ANO5: variants seen among roughly 807,000 people sequenced by gnomAD.
ANO5 encodes anoctamin 5.
In ANO5, 109 loss-of-function variants were observed where a neutral mutation model predicts 121.0. The observed-to-expected ratio is 0.90, with a 90% CI of 0.77 to 1.06. The LOEUF is 1.06. Ranked by LOEUF, ANO5 falls within the 50% of genes least tolerant of loss-of-function variation. ANO5 has a pLI of 0.00. For synonymous variants in ANO5, 406 were observed against 359.9 expected, an observed-to-expected ratio of 1.13 and a Z score of -1.45; for missense variants, 1,064 against 1,078.5, an observed-to-expected ratio of 0.99 and a Z score of 0.19.
In ANO5 at chr11:22,239,899, C is replaced by A. The variant is rs77977104; in HGVS notation, c.878+215C>A. The stretch of plus-strand genomic sequence containing the variant: ...ATAGTATGGTGGTTAGGAGGTTAGA[C>A]CTTAGCATTTAGCTAGGCTGAATTC... On this transcript the variant is annotated intron_variant, in intron 9 of 21. Transcript: ENST00000324559. Among the ~76,000 whole-genome samples, 2,792 of 152,104 alleles carry A rather than the reference C, an allele frequency of 0.018. 88 individuals carry two copies. The highest frequency in any genetic ancestry group is 0.063 in the African/African-American group (2,631 of 41,510).
At chr11:22,274,040 C>T (rs979231407) in intron 19 of ANO5, among the ~76,000 whole-genome samples, 2 of 151,896 alleles carry the variant, frequency 1.3e-5, no homozygotes, top group Non-Finnish European at 2.9e-5. Flanking sequence ...TATTCCAGAA[C>T]TTAGGAAAGG....
rs567878499 is a variant in ANO5, at chr11:22,267,508, T to TTATA, written c.1899-2791_1899-2788dup. On this transcript the variant is annotated intron_variant, in intron 17 of 21. Transcript: ENST00000324559. The stretch of plus-strand genomic sequence containing the variant: ...CTACATACCATATAAATATCTACAA[T>TTATA]TATATATATATATATAAAATCTATC... Among the ~76,000 whole-genome samples the TTATA allele has an allele frequency of 4.9e-3, 617 of 126,100 alleles. 14 individuals are homozygous for TTATA. Among genetic ancestry groups the TTATA allele is most frequent in the African/African-American group, 0.027 (582 of 21,540 alleles). 82.7% of individuals were successfully genotyped at this position (126,100 alleles called of 152,430 possible). A position where few individuals can be genotyped will look rare whatever the true frequency, so the allele number is the denominator to read the frequency against.
At position 22,265,285 on chromosome 11, in the gene ANO5, G is replaced by T. The variant is rs1854322327; in HGVS notation, c.1898+2242G>T. Among the ~76,000 whole-genome samples, 3 of 152,238 alleles carry T rather than the reference G, an allele frequency of 2.0e-5. No homozygotes were observed. The South Asian group carries it at 6.2e-4, about 32-fold the overall frequency. ...CATCAGTTTCTCATCAATAGCATTA[G>T]ATGCCAAAAGATAATGTTTTCAAGG... On this transcript the variant is annotated intron_variant, in intron 17 of 21. Coordinates refer to ENST00000324559, the MANE Select transcript of ANO5 (RefSeq NM_213599.3).
chr11:22,249,702 T>C (rs913018460), intron 9 of ANO5, among the ~76,000 whole-genome samples: 3 of 152,134 alleles, frequency 2.0e-5, no homozygotes, highest in Admixed American at 2.0e-4. Context: ...TTCCTTGGCC[T>C]GCTGCATATG....
chr11:22,239,912 C>G (rs1853370238), intron 9 of ANO5, among the ~76,000 whole-genome samples: 1 of 152,012 alleles, frequency 6.6e-6, no homozygotes, highest in African/African-American at 2.4e-5. Context: ...TAGCATTTAG[C>G]TAGGCTGAAT....
intron 12 of ANO5, 21 bp from the exon 13 acceptor site, chr11:22,255,350 T>C (rs114582774): frequency 6.5e-7 from 1 of 1,538,280 alleles, no homozygotes. Flanking sequence ...ATCTTTTTTT[T>C]ATATATTTAT....
chr11:22,282,879 A>C lies in ANO5; in HGVS notation c.*3114A>C, dbSNP rs1368973970. 1 of 152,196 alleles carries C rather than the reference A, an allele frequency of 6.6e-6. No homozygotes were observed. The highest frequency in any genetic ancestry group is 1.5e-5 in the Non-Finnish European group (1 of 68,024). The allele number at this position is 152,196 out of a possible 1,614,324, so 9.4% of individuals were successfully genotyped here. A position where few individuals can be genotyped will look rare whatever the true frequency, so the allele number is the denominator to read the frequency against. Reference sequence around the variant, plus strand: ...CTCATATTTCCTTTAAATTGTTAATAGTTGTTATGCAACTAAAGAATGTTA... The same window carrying C: ...CTCATATTTCCTTTAAATTGTTAATCGTTGTTATGCAACTAAAGAATGTTA... On this transcript the variant is annotated 3_prime_UTR_variant, in exon 22 of 22. Transcript: ENST00000324559.
At chr11:22,264,090 C>T (rs547610039) in intron 17 of ANO5, among the ~76,000 whole-genome samples, 1 of 140,526 alleles carries the variant, frequency 7.1e-6, no homozygotes, top group South Asian at 2.2e-4. Context: ...ATGGCGCAAT[C>T]TCGGCTCACT....
chr11:22,214,688 C>T (rs921264115), intron 3 of ANO5, among the ~76,000 whole-genome samples: 4 of 151,916 alleles, frequency 2.6e-5, no homozygotes, highest in African/African-American at 9.7e-5. Context: ...GGAAGGAAAA[C>T]ACTATCTATT....
intron 5 of ANO5, 66 bp from the exon 6 acceptor site, chr11:22,225,918 C>G (rs1852811935): frequency 8.1e-7 from 1 of 1,238,824 alleles, no homozygotes; most frequent in Non-Finnish European, 1.2e-6. Context: ...TATATTGAAT[C>G]TGTCAATACT....
At chr11:22,277,962 T>C (rs1854928877) in intron 21 of ANO5, 1 of 150,672 alleles carries the variant, frequency 6.6e-6, no homozygotes, top group Non-Finnish European at 1.5e-5. Context: ...AAATTGAAGA[T>C]TGAAAATTTC....
At chr11:22,222,706 C>A (rs562347927) in intron 5 of ANO5, among the ~76,000 whole-genome samples, 2 of 143,866 alleles carry the variant, frequency 1.4e-5, no homozygotes, top group African/African-American at 5.1e-5. Flanking sequence ...GACAAAATAA[C>A]AACTTTAGTT....
At chr11:22,216,988 A>G (rs1374636085) in intron 3 of ANO5, among the ~76,000 whole-genome samples, 2 of 151,978 alleles carry the variant, frequency 1.3e-5, no homozygotes, top group African/African-American at 4.8e-5. Flanking sequence ...AAACACTGAG[A>G]TGAAAAATTT....
intron 15 of ANO5, among the ~76,000 whole-genome samples, chr11:22,260,419 A>T (rs1294623538): frequency 3.3e-5 from 5 of 152,102 alleles, no homozygotes; most frequent in Admixed American, 6.5e-5. Flanking sequence ...AGCTCGTTTG[A>T]ATCTGTTGTA....
intron 9 of ANO5, among the ~76,000 whole-genome samples, chr11:22,246,780 T>C (rs1853633053): frequency 7.3e-6 from 1 of 137,660 alleles, no homozygotes; most frequent in African/African-American, 2.8e-5. Context: ...TGCTTGAACC[T>C]GGGAAACAGA....
chr11:22,219,891 AT>A (rs5790244), intron 4 of ANO5, among the ~76,000 whole-genome samples: 2,951 of 139,252 alleles, frequency 0.021, 82 homozygotes, highest in African/African-American at 0.071. Flanking sequence ...GGTTCCCTAG[AT>A]TTTTTTTTTT....
At chr11:22,214,769 G>C (rs1852386382) in intron 3 of ANO5, among the ~76,000 whole-genome samples, 1 of 151,968 alleles carries the variant, frequency 6.6e-6, no homozygotes, top group Admixed American at 6.6e-5. Flanking sequence ...CAAAAAGCAG[G>C]GTAGAGAGGA....
chr11:22,279,769 G>A lies in ANO5; in HGVS notation c.*4G>A. The A allele has an allele frequency of 6.2e-7, 1 of 1,608,522 alleles. No individual in the cohort carries two copies. Among genetic ancestry groups the A allele is most frequent in the Non-Finnish European group, 8.5e-7 (1 of 1,176,144 alleles). ...GCTGGCTAAATCAACACTCTAATCA[G>A]TATAGTGAGGAAGCAGCAGGTGATC... On this transcript the variant is annotated 3_prime_UTR_variant, in exon 22 of 22. Coordinates refer to ENST00000324559, the MANE Select transcript of ANO5 (RefSeq NM_213599.3).
At position 22,280,128 on chromosome 11, in the gene ANO5, G is replaced by T; in HGVS notation, c.*363G>T. Reference sequence around the variant, plus strand: ...TCCAGTGCATCTATTTATTTTTGTGGTCTTCTCTTGGGTTATTTGATACCT... The same window carrying T: ...TCCAGTGCATCTATTTATTTTTGTGTTCTTCTCTTGGGTTATTTGATACCT... On this transcript the variant is annotated 3_prime_UTR_variant, in exon 22 of 22. Coordinates refer to ENST00000324559, the MANE Select transcript of ANO5 (RefSeq NM_213599.3). 1 of 214,244 alleles carries T rather than the reference G, an allele frequency of 4.7e-6. No individual in the cohort carries two copies. The highest frequency in any genetic ancestry group is 9.3e-6 in the Non-Finnish European group (1 of 107,226). The allele number at this position is 214,244 out of a possible 1,614,324, so 13.3% of individuals were successfully genotyped here.
Sources: gnomAD v4.1 joint callset for allele counts (sites outside exome capture counted in the v4.1 genomes callset) on GRCh38, gnomAD v4.1.1 for gene constraint, MANE v1.5 for transcripts, NCBI Gene and HGNC (gene_info 2026-07-23, HGNC 2026-07-21) for gene names.